Variants in AP3D1 observed in about 807,000 individuals in gnomAD.
AP3D1 encodes the protein AP-3 complex subunit delta-1.
AP3D1 carries 51 observed loss-of-function variants against 147.6 expected under a neutral mutation model. That is an observed-to-expected ratio of 0.35 (90% CI 0.28 to 0.44). The LOEUF (loss-of-function observed/expected upper bound fraction) is 0.44. AP3D1 is among the 20% of genes least tolerant of loss of function. The probability of loss-of-function intolerance (pLI) is 1.00; values close to 1 mark genes in which losing one functional copy is unlikely to be tolerated. For missense variants in AP3D1, 1,421 were observed against 1,624.2 expected (o/e 0.87, Z 2.15); for synonymous variants, 760 against 663.0 (o/e 1.15, Z -2.25).
intron 29 of AP3D1, 22 bp from the exon 30 acceptor site, chr19:2,109,229 T>C: frequency 1.3e-6 from 2 of 1,560,858 alleles, no homozygotes; most frequent in Non-Finnish European, 1.7e-6. Context: ...ACAGGGAGGC[T>C]GACTGCGGTG....
chr19:2,109,385 A>G, intron 29 of AP3D1, 178 bp from the exon 30 acceptor site: 4 of 781,104 alleles, frequency 5.1e-6, no homozygotes, highest in Non-Finnish European at 7.9e-6. Context: ...AAGCCGTCAC[A>G]CCCAGAAACT....
Position 2,102,179 on chromosome 19 carries a change from C to T in AP3D1, c.3642G>A (p.Lys1214=). Residue 1214 remains lysine, a synonymous_variant, in exon 32 of 32, where the codon AAG becomes AAA. Coordinates refer to ENST00000643116, the MANE Select transcript of AP3D1 (RefSeq NM_001261826.3). ...CGGGGCTCGCAGGCAGCTCTCAACA[C>T]TTGGCCAGCGTCGCCTTCATCTCTT... ...LLEEMKATLA[K]C 2 of 1,613,634 alleles carry T rather than the reference C, an allele frequency of 1.2e-6. No homozygotes were observed. Among genetic ancestry groups the T allele is most frequent in the Non-Finnish European group, 1.7e-6 (2 of 1,179,766 alleles).
At position 2,138,659 on chromosome 19, in the gene AP3D1, T is replaced by C; in HGVS notation, c.152A>G (p.Asn51Ser). 1 of 1,613,972 alleles carries C rather than the reference T, an allele frequency of 6.2e-7. No homozygotes were observed. The highest frequency in any genetic ancestry group is 8.5e-7 in the Non-Finnish European group (1 of 1,180,000). ...DEIKQELKQD[N>S]IAVKANAVCK... ...GACCGCGTTCGCCTTCACCGCTATG[T>C]TGTCCTGCTTCAGCTCCTGCTTGAT... is the stretch of plus-strand genomic sequence containing the variant. The change falls in exon 2 of 32, where the codon AAC becomes AGC. Residue 51 changes from asparagine to serine, a missense_variant. Transcript: ENST00000643116.
At chr19:2,105,455 G>A (rs1053496557) in intron 31 of AP3D1, among the ~76,000 whole-genome samples, 5 of 152,240 alleles carry the variant, frequency 3.3e-5, no homozygotes, top group South Asian at 2.1e-4. Flanking sequence ...TCTTCAGGGC[G>A]TGTTCCTGCT....
At chr19:2,146,002 G>C (rs1175823238) in intron 1 of AP3D1, among the ~76,000 whole-genome samples, 1 of 152,206 alleles carries the variant, frequency 6.6e-6, no homozygotes, top group Non-Finnish European at 1.5e-5. Context: ...TTTCATGCTT[G>C]CTGCTGGGAG....
chr19:2,143,886 G>A (rs964263224), intron 1 of AP3D1, among the ~76,000 whole-genome samples: 1 of 152,158 alleles, frequency 6.6e-6, no homozygotes, highest in South Asian at 2.1e-4. Context: ...TTGGGAGTTC[G>A]AGACCAGTCT....
At chr19:2,113,673 C>T (rs1277491457) in intron 22 of AP3D1, among the ~76,000 whole-genome samples, 1 of 152,182 alleles carries the variant, frequency 6.6e-6, no homozygotes, top group African/African-American at 2.4e-5. Flanking sequence ...TCAGAAGGCC[C>T]GTGGCGGCCC....
intron 14 of AP3D1, 83 bp downstream of exon 14, chr19:2,120,779 A>C: frequency 7.2e-7 from 1 of 1,386,452 alleles, no homozygotes; most frequent in Non-Finnish European, 1.0e-6. Flanking sequence ...AGACGGTAGG[A>C]AGGATCTGCC....
chr19:2,148,596 C>G (rs1449853296), intron 1 of AP3D1, among the ~76,000 whole-genome samples: 4 of 152,248 alleles, frequency 2.6e-5, no homozygotes, highest in African/African-American at 9.6e-5. Flanking sequence ...AACCGCGTGT[C>G]ACTGCAGCAT....
At chr19:2,116,148 G>C (rs1263423049) in intron 18 of AP3D1, 59 bp downstream of exon 18, 1 of 1,549,324 alleles carries the variant, frequency 6.5e-7, no homozygotes, top group African/African-American at 1.4e-5. Flanking sequence ...GGATGCCGCG[G>C]GGCTCGGGTG....
intron 14 of AP3D1, among the ~76,000 whole-genome samples, chr19:2,119,296 C>T (rs556934197): frequency 2.4e-4 from 36 of 152,308 alleles, no homozygotes; most frequent in South Asian, 6.2e-4. Context: ...TGGTGGCTCA[C>T]GCCTATAATC....
Position 2,144,303 on chromosome 19 carries a change from C to A in AP3D1, c.97-5589G>T, listed in dbSNP as rs114226712. Among the ~76,000 whole-genome samples, 441 of 152,286 alleles carry A rather than the reference C, an allele frequency of 2.9e-3. 2 individuals are homozygous for A. The highest frequency in any genetic ancestry group is 0.014 in the Middle Eastern group (4 of 292). On this transcript the variant is annotated intron_variant, in intron 1 of 31. Coordinates refer to ENST00000643116, the MANE Select transcript of AP3D1 (RefSeq NM_001261826.3). Reference sequence around the variant, plus strand: ...CTGCTCTTTCAACAGCCCGGGACACCGTCCTGCTTTATTCTCTTGTTGTGG... The same window carrying A: ...CTGCTCTTTCAACAGCCCGGGACACAGTCCTGCTTTATTCTCTTGTTGTGG...
chr19:2,117,470 C>T (rs1012689201), intron 15 of AP3D1, 103 bp from the exon 16 acceptor site: 2 of 1,266,114 alleles, frequency 1.6e-6, no homozygotes, highest in Admixed American at 2.9e-5. Flanking sequence ...GACGTGTGGG[C>T]CCCCTGGTAC....
Position 2,123,386 on chromosome 19 carries a change from C to T in AP3D1, c.927G>A (p.Arg309=), listed in dbSNP as rs1288552610. ...ASIQLCVQKL[R]ILIEDSDQNL... The stretch of plus-strand genomic sequence containing the variant: ...TCTGATCGGAGTCCTCGATCAATAT[C>T]CTTAATTTCTGAACACAAAGCTGAA... The change falls in exon 11 of 32, where the codon AGG becomes AGA. Residue 309 remains arginine (R), a synonymous_variant. Transcript: ENST00000643116. The T allele has an allele frequency of 2.5e-6, 4 of 1,613,864 alleles. No individual in the cohort carries two copies. In the African/African-American group the frequency reaches 4.0e-5, roughly 16 times the overall value.
chr19:2,111,690 C>G lies in AP3D1; in HGVS notation c.2926G>C (p.Glu976Gln), dbSNP rs1568277548. 1.3e-6 allele frequency: 2 copies of G among 1,592,806 alleles called. No individual in the cohort carries two copies. Among genetic ancestry groups the G allele is most frequent in the Non-Finnish European group, 1.7e-6 (2 of 1,171,924 alleles). The change falls in exon 25 of 32, where the codon GAG becomes CAG. Residue 976 changes from glutamate to glutamine, a missense_variant. Around this residue, in one of 6 missense-constraint regions of AP3D1, gnomAD observed 791 missense variants for 761.4 expected, o/e 1.04. Transcript: ENST00000643116. ...EPVQNGAPEE[E>Q]QLPPESSYSL... ...GAAGTACCCCTCACCGGGAGCTGCTCCTCCTCTGGCGCGCCATTCTGCACC... is the reference window on the plus strand; with the variant it reads ...GAAGTACCCCTCACCGGGAGCTGCTGCTCCTCTGGCGCGCCATTCTGCACC...
Position 2,137,669 on chromosome 19 carries a change from G to T in AP3D1, c.273+58C>A, listed in dbSNP as rs796129534. On this transcript the variant is annotated intron_variant, in intron 3 of 31. Transcript: ENST00000643116. Reference sequence around the variant, plus strand: ...TAATAATAAAAATTGGCCAGTCACGGTGCCTCACACCTGTAATCACTCCCC... The same window carrying T: ...TAATAATAAAAATTGGCCAGTCACGTTGCCTCACACCTGTAATCACTCCCC... 127 of 1,450,030 alleles carry T rather than the reference G, an allele frequency of 8.8e-5. No homozygotes were observed. The South Asian group carries it at 1.4e-3, about 16-fold the overall frequency. 89.8% of individuals were successfully genotyped at this position (1,450,030 alleles called of 1,614,324 possible). A position where few individuals can be genotyped will look rare whatever the true frequency, so the allele number is the denominator to read the frequency against.
chr19:2,115,499 A>G, intron 19 of AP3D1, 39 bp downstream of exon 19: 1 of 1,611,044 alleles, frequency 6.2e-7, no homozygotes, highest in Non-Finnish European at 8.5e-7. Flanking sequence ...CCCACAGCCC[A>G]TGTGACAAAT....
At chr19:2,142,582 G>C (rs1349043359) in intron 1 of AP3D1, among the ~76,000 whole-genome samples, 1 of 152,210 alleles carries the variant, frequency 6.6e-6, no homozygotes, top group Non-Finnish European at 1.5e-5. Context: ...CCAGTTCAAA[G>C]ACCAACGAGC....
At chr19:2,114,496 C>G (rs2018383689) in intron 21 of AP3D1, among the ~76,000 whole-genome samples, 194 bp from the exon 22 acceptor site, 1 of 152,160 alleles carries the variant, frequency 6.6e-6, no homozygotes, top group Admixed American at 6.5e-5. Context: ...GTGGCCACAC[C>G]CTGCCCTGTC....
Sources: gnomAD v4.1 joint callset for allele counts (sites outside exome capture counted in the v4.1 genomes callset) on GRCh38, gnomAD v4.1.1 for gene constraint, gnomAD v4.1.1 regional missense constraint, MANE v1.5 for transcripts, NCBI Gene and HGNC (gene_info 2026-07-23, HGNC 2026-07-21) for gene names.